Variants in MARCHF1 observed in about 807,000 individuals in gnomAD.
MARCHF1 encodes the protein E3 ubiquitin-protein ligase MARCHF1.
A neutral mutation model predicts 54.2 loss-of-function variants in MARCHF1; 40 were observed. That is an observed-to-expected ratio of 0.74 (90% CI 0.57 to 0.96). The LOEUF is 0.96. Ranked by LOEUF, MARCHF1 falls within the 40% of genes least tolerant of loss-of-function variation. The pLI is 0.00. For synonymous variants in MARCHF1, 236 were observed against 236.3 expected, an observed-to-expected ratio of 1.00 and a Z score of 0.01; for missense variants, 586 against 656.5, an observed-to-expected ratio of 0.89 and a Z score of 1.17.
intron 4 of MARCHF1, among the ~76,000 whole-genome samples, chr4:163,727,397 TC>T (rs1745692379): frequency 1.3e-5 from 2 of 151,708 alleles, no homozygotes; most frequent in African/African-American, 4.8e-5. Context: ...AAGCTCCGCC[TC>T]CCAGGTTCAC....
chr4:164,079,246 C>T (rs1223883898), intron 2 of MARCHF1, among the ~76,000 whole-genome samples: 1 of 151,914 alleles, frequency 6.6e-6, no homozygotes, highest in African/African-American at 2.4e-5. Flanking sequence ...TATTCTTTGT[C>T]AAGAATGGTT....
At chr4:164,140,200 CAT>C (rs1046128158) in intron 1 of MARCHF1, among the ~76,000 whole-genome samples, 2 of 146,558 alleles carry the variant, frequency 1.4e-5, no homozygotes, top group African/African-American at 2.5e-5. Context: ...CATACACACA[CAT>C]ATATACACAC....
intron 7 of MARCHF1, among the ~76,000 whole-genome samples, chr4:163,599,124 C>T (rs1380617054): frequency 6.6e-6 from 1 of 151,888 alleles, no homozygotes; most frequent in Non-Finnish European, 1.5e-5. Flanking sequence ...CCCGTCTCTA[C>T]TACAAATACA....
intron 1 of MARCHF1, among the ~76,000 whole-genome samples, chr4:164,341,704 T>G (rs532028470): frequency 4.6e-4 from 70 of 152,304 alleles, no homozygotes; most frequent in African/African-American, 1.7e-3. Flanking sequence ...ATGCCATTAG[T>G]GAGGGCTCTG....
At chr4:163,895,899 C>A (rs1461469154) in intron 3 of MARCHF1, among the ~76,000 whole-genome samples, 1 of 151,972 alleles carries the variant, frequency 6.6e-6, no homozygotes, top group Non-Finnish European at 1.5e-5. Flanking sequence ...GTAAGCATGA[C>A]CCCCCCACTG....
chr4:163,958,390 A>G (rs749913188), intron 3 of MARCHF1, among the ~76,000 whole-genome samples: 1 of 151,976 alleles, frequency 6.6e-6, no homozygotes, highest in Non-Finnish European at 1.5e-5. Flanking sequence ...TTCATTTCCC[A>G]ATGGATATTC....
chr4:163,973,618 G>C (rs1167662492), intron 3 of MARCHF1, among the ~76,000 whole-genome samples: 2 of 152,174 alleles, frequency 1.3e-5, no homozygotes, highest in South Asian at 2.1e-4. Context: ...ACAAATACGG[G>C]TTGTTACAGT....
chr4:164,236,057 T>C (rs2111193361), intron 1 of MARCHF1, among the ~76,000 whole-genome samples: 1 of 152,176 alleles, frequency 6.6e-6, no homozygotes, highest in Admixed American at 6.6e-5. Context: ...AATAGAATCT[T>C]CCTGATGTCC....
At chr4:164,187,668 C>A (rs1731006644) in intron 1 of MARCHF1, among the ~76,000 whole-genome samples, 1 of 152,094 alleles carries the variant, frequency 6.6e-6, no homozygotes, top group Non-Finnish European at 1.5e-5. Context: ...TTAGGTTCTG[C>A]TTGAGCACTT....
At chr4:163,841,095 T>C (rs1454102912) in intron 4 of MARCHF1, among the ~76,000 whole-genome samples, 1 of 152,096 alleles carries the variant, frequency 6.6e-6, no homozygotes, top group Non-Finnish European at 1.5e-5. Flanking sequence ...CTTTCACTAA[T>C]AAAATTAATA....
At chr4:163,560,663 G>A (rs1739439298) in intron 8 of MARCHF1, among the ~76,000 whole-genome samples, 1 of 152,118 alleles carries the variant, frequency 6.6e-6, no homozygotes, top group Non-Finnish European at 1.5e-5. Flanking sequence ...GACAATAATA[G>A]ACATCTACAT....
intron 5 of MARCHF1, among the ~76,000 whole-genome samples, chr4:163,615,633 T>C (rs1287123293): frequency 6.6e-6 from 1 of 152,140 alleles, no homozygotes; most frequent in East Asian, 1.9e-4. Flanking sequence ...ATTAATATTG[T>C]TGAAATGACC....
intron 4 of MARCHF1, among the ~76,000 whole-genome samples, chr4:163,779,060 T>C (rs1048351871): frequency 6.6e-6 from 1 of 152,226 alleles, no homozygotes; most frequent in Non-Finnish European, 1.5e-5. Context: ...CAAAAATGTA[T>C]TGTCTTTTCA....
intron 1 of MARCHF1, among the ~76,000 whole-genome samples, chr4:164,164,812 C>T (rs1730328888): frequency 6.6e-6 from 1 of 151,880 alleles, no homozygotes; most frequent in Non-Finnish European, 1.5e-5. Flanking sequence ...TTATTAGCCT[C>T]ATGTATAGGT....
chr4:164,152,454 G>A (rs1333793371), intron 1 of MARCHF1, among the ~76,000 whole-genome samples: 1 of 152,038 alleles, frequency 6.6e-6, no homozygotes, highest in African/African-American at 2.4e-5. Context: ...GGTTTTATTT[G>A]ATCCTATATA....
chr4:163,720,909 C>A (rs1745431286), intron 4 of MARCHF1, among the ~76,000 whole-genome samples: 1 of 152,190 alleles, frequency 6.6e-6, no homozygotes, highest in Non-Finnish European at 1.5e-5. Flanking sequence ...AGTTGCTTAT[C>A]AGCTTAAGGA....
At chr4:163,705,528 G>T (rs948652326) in intron 4 of MARCHF1, among the ~76,000 whole-genome samples, 1 of 151,792 alleles carries the variant, frequency 6.6e-6, no homozygotes. Flanking sequence ...TAAAAACTCA[G>T]GACACCTGTC....
chr4:163,713,064 T>C (rs557006398), intron 4 of MARCHF1, among the ~76,000 whole-genome samples: 15 of 152,226 alleles, frequency 9.9e-5, no homozygotes, highest in Non-Finnish European at 1.9e-4. Flanking sequence ...CTGTCTCTCT[T>C]CATTATTTAG....
At chr4:164,287,090 AATAAT>A (rs1471376166) in intron 1 of MARCHF1, among the ~76,000 whole-genome samples, 4 of 148,426 alleles carry the variant, frequency 2.7e-5, no homozygotes, top group Non-Finnish European at 5.9e-5. Context: ...AATTTTTAAA[AATAAT>A]ATAATTTATA....
Sources: allele counts gnomAD v4.1 joint callset (sites outside exome capture counted in the v4.1 genomes callset), GRCh38; gene constraint gnomAD v4.1.1; transcripts MANE v1.5; gene names NCBI Gene and HGNC (gene_info 2026-07-23, HGNC 2026-07-21).